Variants in SLC12A4 observed in about 807,000 individuals in gnomAD.
SLC12A4 encodes solute carrier family 12 member 4, also known as electroneutral potassium-chloride cotransporter 1.
In SLC12A4, 84 loss-of-function variants were observed where a neutral mutation model predicts 119.2. The observed-to-expected ratio is 0.70, with a 90% CI of 0.59 to 0.85. SLC12A4 has a LOEUF of 0.85. Ranked by LOEUF, SLC12A4 falls within the 40% of genes least tolerant of loss-of-function variation. SLC12A4 has a pLI of 0.00. For synonymous variants in SLC12A4, 599 were observed against 604.6 expected (o/e 0.99, Z 0.14); for missense variants, 1,298 against 1,476.3 (o/e 0.88, Z 1.98).
rs2058319993 is a variant in SLC12A4, at chr16:67,944,700, G to C, written c.*140C>G. On this transcript the variant is annotated 3_prime_UTR_variant, in exon 24 of 24. Transcript: ENST00000316341. The surrounding 1 kb of genome is among the most constrained non-coding windows in gnomAD (Gnocchi z 6.6). The stretch of plus-strand genomic sequence containing the variant: ...GAGGCCCAGGCCTGGTTTCCAAGGA[G>C]ACCTAGCAAAGCTGGGTCCAGGACA... 2 of 1,438,084 alleles carry C rather than the reference G, an allele frequency of 1.4e-6. No individual in the cohort carries two copies. Among genetic ancestry groups the C allele is most frequent in the Admixed American group, 2.7e-5 (1 of 36,786 alleles). 89.1% of individuals were successfully genotyped at this position (1,438,084 alleles called of 1,614,324 possible).
chr16:67,947,827 G>C (rs769598913), intron 14 of SLC12A4, 39 bp from the exon 15 acceptor site: 7 of 1,555,320 alleles, frequency 4.5e-6, no homozygotes, highest in Non-Finnish European at 6.1e-6. Context: ...GCAGGACCAG[G>C]AGGACCCCTG....
intron 1 of SLC12A4, among the ~76,000 whole-genome samples, chr16:67,964,999 C>T (rs1426091862): frequency 6.6e-6 from 1 of 152,210 alleles, no homozygotes; most frequent in Admixed American, 6.5e-5. Flanking sequence ...GTGAAAGTGG[C>T]ACACCTGCTA....
Position 67,946,567 on chromosome 16 carries a change from C to T in SLC12A4, c.2308G>A (p.Val770Met), listed in dbSNP as rs766770712. 6.2e-7 allele frequency: 1 copy of T among 1,612,866 alleles called. No homozygotes were observed. The highest frequency in any genetic ancestry group is 8.5e-7 in the Non-Finnish European group (1 of 1,180,014). Residue 770 changes from valine to methionine, a missense_variant, in exon 18 of 24, where the codon GTG becomes ATG. Physicochemically the swap from Val to Met is conservative, Grantham distance 21 (BLOSUM62 1). Coordinates refer to ENST00000316341, the MANE Select transcript of SLC12A4 (RefSeq NM_005072.5). The part of the protein sequence containing the change: ...GFCQVVVASK[V>M]REGLAHLIQS... Reference sequence around the variant, plus strand: ...ATGAGGTGGGCCAGCCCCTCCCGCACCTTGCTGGCCACCACCACCTGGCAG... The same window carrying T: ...ATGAGGTGGGCCAGCCCCTCCCGCATCTTGCTGGCCACCACCACCTGGCAG...
intron 1 of SLC12A4, 72 bp from the exon 2 acceptor site, chr16:67,963,631 G>A (rs1961999414): frequency 8.4e-7 from 1 of 1,184,236 alleles, no homozygotes; most frequent in Non-Finnish European, 1.2e-6. Context: ...CAGAAAGCCA[G>A]TCCCCAAATC....
At chr16:67,954,592 A>G (rs750447320) in intron 6 of SLC12A4, 51 bp downstream of exon 6, 6 of 1,609,640 alleles carry the variant, frequency 3.7e-6, no homozygotes, top group African/African-American at 2.7e-5. Context: ...TTGGAGTCCA[A>G]AGGGACTGTT....
At chr16:67,957,198 C>A (rs1161947409) in intron 5 of SLC12A4, among the ~76,000 whole-genome samples, 2 of 145,924 alleles carry the variant, frequency 1.4e-5, no homozygotes, top group African/African-American at 5.2e-5. Context: ...GCGACGGAGT[C>A]TCGCTCTGTC....
In SLC12A4 at chr16:67,968,532, G is replaced by T; in HGVS notation, c.22C>A (p.Pro8Thr). The T allele has an allele frequency of 6.3e-7, 1 of 1,579,306 alleles. No individual in the cohort carries two copies. ...TCGCCGCGCCTCGGCCCGTCCACTG[G>T]CACCACGGTGAAGTGAGGCATCGTG... is the stretch of plus-strand genomic sequence containing the variant. MPHFTVV[P>T]VDGPRRGDYD... The change falls in exon 1 of 24, where the codon CCA becomes ACA. Residue 8 changes from proline to threonine, a missense_variant. By Grantham distance (38) the Pro-to-Thr change is conservative. Transcript: ENST00000316341.
rs746434687 is a variant in SLC12A4, at chr16:67,950,305, G to A, written c.1629+14C>T. 6.2e-7 allele frequency: 1 copy of A among 1,612,660 alleles called. No homozygotes were observed. Among genetic ancestry groups the A allele is most frequent in the Non-Finnish European group, 8.5e-7 (1 of 1,179,500 alleles). On this transcript the variant is annotated intron_variant, in intron 12 of 23. Coordinates refer to ENST00000316341, the MANE Select transcript of SLC12A4 (RefSeq NM_005072.5). This position sits in a 1 kb window ranked among gnomAD's most constrained non-coding sequence, Gnocchi z 4.3. ...GGGAGCAGCCAGGCCATGGGGGAGT[G>A]CAGAGGGGCTCACCCGGAGGAAGGG... is the stretch of plus-strand genomic sequence containing the variant.
At chr16:67,966,009 A>C (rs2030852985) in intron 1 of SLC12A4, among the ~76,000 whole-genome samples, 1 of 152,122 alleles carries the variant, frequency 6.6e-6, no homozygotes, top group Non-Finnish European at 1.5e-5. Flanking sequence ...AATAGAGAAG[A>C]GTGCTGCAAT....
At position 67,950,296 on chromosome 16, in the gene SLC12A4, T is replaced by C. The variant is rs1567417275; in HGVS notation, c.1629+23A>G. ...CGAGGGCCTGGGAGCAGCCAGGCCA[T>C]GGGGGAGTGCAGAGGGGCTCACCCG... On this transcript the variant is annotated intron_variant, in intron 12 of 23. Transcript: ENST00000316341. The surrounding 1 kb of genome is among the most constrained non-coding windows in gnomAD (Gnocchi z 4.3). 6.2e-7 allele frequency: 1 copy of C among 1,610,362 alleles called. No individual in the cohort carries two copies. The highest frequency in any genetic ancestry group is 8.5e-7 in the Non-Finnish European group (1 of 1,178,046).
chr16:67,947,517 G>A, intron 15 of SLC12A4, 82 bp from the exon 16 acceptor site: 1 of 1,502,232 alleles, frequency 6.7e-7, no homozygotes, highest in East Asian at 2.4e-5. Context: ...GAGGGGTTCT[G>A]CCCCTCAAGA....
intron 3 of SLC12A4, among the ~76,000 whole-genome samples, chr16:67,958,695 A>C (rs2030404454): frequency 6.6e-6 from 1 of 151,862 alleles, no homozygotes; most frequent in African/African-American, 2.4e-5. Flanking sequence ...GGGCCACCAG[A>C]TGTGTCCCAT....
At position 67,951,075 on chromosome 16, in the gene SLC12A4, G is replaced by A; in HGVS notation, c.1298-15C>T. ...AGCCATGATGCCTCCAAAAACAGAT[G>A]AGACTCCCTCAGGGGCTCCCCGGGA... On this transcript the variant is annotated splice_polypyrimidine_tract_variant and intron_variant, in intron 9 of 23. Coordinates refer to ENST00000316341, the MANE Select transcript of SLC12A4 (RefSeq NM_005072.5). The surrounding 1 kb of genome is among the most constrained non-coding windows in gnomAD (Gnocchi z 5.2). The A allele has an allele frequency of 6.2e-7, 1 of 1,613,950 alleles. No homozygotes were observed. The highest frequency in any genetic ancestry group is 8.5e-7 in the Non-Finnish European group (1 of 1,179,966).
chr16:67,948,959 A>T (rs1237123656), intron 13 of SLC12A4, among the ~76,000 whole-genome samples: 1 of 152,070 alleles, frequency 6.6e-6, no homozygotes, highest in African/African-American at 2.4e-5. Flanking sequence ...AGGGAAGAGG[A>T]GGCCTTTCAT....
intron 1 of SLC12A4, chr16:67,966,737 G>T: frequency 6.4e-7 from 1 of 1,551,482 alleles, no homozygotes; most frequent in South Asian, 1.2e-5. Flanking sequence ...CCCCACCAAG[G>T]ATCAAAATCA....
At chr16:67,956,498 C>T (rs2030268063) in intron 5 of SLC12A4, among the ~76,000 whole-genome samples, 1 of 151,952 alleles carries the variant, frequency 6.6e-6, no homozygotes, top group African/African-American at 2.4e-5. Context: ...CCATCCTGGC[C>T]AACATAGTGA....
In SLC12A4 at chr16:67,950,970, G is replaced by A. The variant is rs772071247; in HGVS notation, c.1388C>T (p.Ser463Phe). 5 of 1,613,628 alleles carry A rather than the reference G, an allele frequency of 3.1e-6. No individual in the cohort carries two copies. In the East Asian group the frequency reaches 1.1e-4, roughly 36 times the overall value. ...GGCCTGGGAAAGGATACACACGAGG[G>A]AAGTTGTAATGATGGCCAGAATGGT... ...VGTILAIITT[S>F]LVYFSSVVLF... is the part of the protein sequence containing the mutation. The change falls in exon 10 of 24, where the codon TCC (serine) becomes TTC (phenylalanine). Residue 463 changes from serine (S) to phenylalanine (F), a missense_variant. Physicochemically the swap from Ser to Phe is radical, Grantham distance 155. Transcript: ENST00000316341. This position sits in a 1 kb window ranked among gnomAD's most constrained non-coding sequence, Gnocchi z 4.3.
rs1040419179 is a variant in SLC12A4, at chr16:67,957,785, C to T, written c.501G>A (p.Thr167=). 8.1e-6 allele frequency: 13 copies of T among 1,613,932 alleles called. No individual in the cohort carries two copies. Among genetic ancestry groups the T allele is most frequent in the African/African-American group, 4.0e-5 (3 of 74,922 alleles). Residue 167 remains threonine, a synonymous_variant, in exon 5 of 24, where the codon ACG becomes ACA. Transcript: ENST00000316341. ...TGGCGATGGCACTCATGGAGATGGC[C>T]GTCAGCAGGGTCTGTGGGAAGGAGG... is the stretch of plus-strand genomic sequence containing the variant. The part of the protein sequence containing the change: ...VLICCCCTLL[T]AISMSAIATN...
At chr16:67,963,590 C>A in intron 1 of SLC12A4, 31 bp from the exon 2 acceptor site, 1 of 1,479,382 alleles carries the variant, frequency 6.8e-7, no homozygotes, top group Non-Finnish European at 9.1e-7. Context: ...TCAGGGCCTG[C>A]TTCCTGAGCC....
Sources: allele counts gnomAD v4.1 joint callset (sites outside exome capture counted in the v4.1 genomes callset), GRCh38; gene constraint gnomAD v4.1.1; non-coding constraint Gnocchi (gnomAD v3.1); transcripts MANE v1.5; gene names NCBI Gene and HGNC (gene_info 2026-07-23, HGNC 2026-07-21).